The following CDH12 variants were observed in gnomAD, a reference collection of about 807,000 sequenced individuals.
CDH12 encodes cadherin 12, also known as cadherin-12.
CDH12 carries 41 observed loss-of-function variants against 74.1 expected under a neutral mutation model. The ratio of observed to expected loss-of-function variants is 0.55; its 90% CI spans 0.43 to 0.72. The LOEUF (loss-of-function observed/expected upper bound fraction) is 0.72, where lower values mean the gene tolerates loss of function less well. Ranked by LOEUF, CDH12 falls within the 30% of genes least tolerant of loss-of-function variation. The pLI is 0.00. For synonymous variants in CDH12, 399 were observed against 355.0 expected (o/e 1.12, Z -1.39); for missense variants, 945 against 977.2 (o/e 0.97, Z 0.44).
chr5:21,860,196 A>G (rs925802016), intron 6 of CDH12, among the ~76,000 whole-genome samples: 3 of 152,040 alleles, frequency 2.0e-5, no homozygotes, highest in Admixed American at 1.3e-4. Flanking sequence ...GCATGTATAC[A>G]TTTGTACTAA....
At chr5:22,816,751 T>TC (rs1221959519) in intron 1 of CDH12, among the ~76,000 whole-genome samples, 8 of 152,158 alleles carry the variant, frequency 5.3e-5, no homozygotes, top group African/African-American at 1.7e-4. Context: ...ACTCATTTGG[T>TC]CCAATCTAAC....
In CDH12 at chr5:22,606,944, T is replaced by G. The variant is rs895880236; in HGVS notation, c.-522-101580A>C. ...AAGCCCAGGCTGAGGTGGTCTCAGATGGAGATTAGGAATTTCTTGGAAACT... is the reference window on the plus strand; with the variant it reads ...AAGCCCAGGCTGAGGTGGTCTCAGAGGGAGATTAGGAATTTCTTGGAAACT... On this transcript the variant is annotated intron_variant, in intron 1 of 14. Coordinates refer to ENST00000382254, the MANE Select transcript of CDH12 (RefSeq NM_004061.5). 2.0e-5 allele frequency among the ~76,000 whole-genome samples: 3 copies of G among 152,260 alleles called. No homozygotes were observed. In the South Asian group the frequency reaches 6.2e-4, roughly 32 times the overall value.
intron 6 of CDH12, among the ~76,000 whole-genome samples, chr5:21,877,217 A>C (rs1009561480): frequency 1.3e-5 from 2 of 152,018 alleles, no homozygotes; most frequent in Non-Finnish European, 2.9e-5. Flanking sequence ...AAGAAAAAAA[A>C]AAAGAAGAAG....
chr5:22,726,637 T>C (rs542921384), intron 1 of CDH12, among the ~76,000 whole-genome samples: 1 of 151,976 alleles, frequency 6.6e-6, no homozygotes, highest in Non-Finnish European at 1.5e-5. Context: ...TGTTACTGTT[T>C]TATATTTTGG....
At chr5:22,250,048 T>G (rs576600219) in intron 3 of CDH12, among the ~76,000 whole-genome samples, 34 of 152,012 alleles carry the variant, frequency 2.2e-4, no homozygotes, top group Non-Finnish European at 3.5e-4. Context: ...GGTGGGGAAG[T>G]ATTGCAGAAA....
chr5:22,033,054 G>T (rs1243467619), intron 5 of CDH12, among the ~76,000 whole-genome samples: 1 of 148,244 alleles, frequency 6.7e-6, no homozygotes, highest in Non-Finnish European at 1.5e-5. Context: ...AAAAAAAAAT[G>T]GGGCCAGGCT....
intron 1 of CDH12, among the ~76,000 whole-genome samples, chr5:22,651,548 A>T (rs1025185387): frequency 1.3e-5 from 2 of 152,152 alleles, no homozygotes; most frequent in African/African-American, 4.8e-5. Context: ...TCATGAGACC[A>T]GCATGGGGGA....
chr5:22,432,491 A>G (rs535962709), intron 2 of CDH12, among the ~76,000 whole-genome samples: 8 of 152,276 alleles, frequency 5.3e-5, no homozygotes, highest in African/African-American at 1.9e-4. Flanking sequence ...GTGATAGTGG[A>G]AAAACTATGC....
At chr5:22,714,724 A>C (rs749166304) in intron 1 of CDH12, among the ~76,000 whole-genome samples, 3 of 152,188 alleles carry the variant, frequency 2.0e-5, no homozygotes, top group Non-Finnish European at 2.9e-5. Context: ...ATAATAGTAA[A>C]ATTAGACGTT....
intron 8 of CDH12, among the ~76,000 whole-genome samples, chr5:21,817,815 T>C (rs1748146200): frequency 1.1e-5 from 1 of 91,478 alleles, no homozygotes; most frequent in African/African-American, 2.7e-5. Context: ...TTTAATAGCA[T>C]TAAGAAAGAA....
At chr5:22,226,743 T>C (rs1580424156) in intron 3 of CDH12, among the ~76,000 whole-genome samples, 1 of 152,170 alleles carries the variant, frequency 6.6e-6, no homozygotes, top group South Asian at 2.1e-4. Context: ...TTCTCCAGCA[T>C]GCAGAACACA....
At chr5:22,426,929 C>T (rs115171420) in intron 2 of CDH12, among the ~76,000 whole-genome samples, 2 of 152,184 alleles carry the variant, frequency 1.3e-5, no homozygotes, top group Non-Finnish European at 1.5e-5. Context: ...TTCTTCCCAC[C>T]ATGACCTCAA....
At position 22,640,299 on chromosome 5, in the gene CDH12, C is replaced by T. The variant is rs563504860; in HGVS notation, c.-522-134935G>A. Among the ~76,000 whole-genome samples the T allele has an allele frequency of 1.3e-3, 205 of 152,208 alleles. 2 individuals carry two copies. The highest frequency in any genetic ancestry group is 4.6e-3 in the African/African-American group (193 of 41,526). ...CAATGTGATAGTATATACAAAATAC[C>T]TTTGAAAATAGCAAGTGATTTCAGA... On this transcript the variant is annotated intron_variant, in intron 1 of 14. Transcript: ENST00000382254.
chr5:22,795,967 G>T (rs907935777), intron 1 of CDH12, among the ~76,000 whole-genome samples: 9 of 152,040 alleles, frequency 5.9e-5, no homozygotes, highest in African/African-American at 2.2e-4. Context: ...TCTGTGCTTA[G>T]CTAGCTTCAT....
At chr5:22,814,261 T>C (rs866740444) in intron 1 of CDH12, among the ~76,000 whole-genome samples, 1 of 152,176 alleles carries the variant, frequency 6.6e-6, no homozygotes, top group Non-Finnish European at 1.5e-5. Flanking sequence ...CAACTTGAAA[T>C]GACAAAAATA....
At chr5:22,391,009 A>G (rs1742225549) in intron 3 of CDH12, among the ~76,000 whole-genome samples, 1 of 152,122 alleles carries the variant, frequency 6.6e-6, no homozygotes, top group Admixed American at 6.5e-5. Flanking sequence ...GATAGAGTGA[A>G]CTATAGGGTT....
At chr5:21,804,328 T>TC (rs1460288325) in intron 9 of CDH12, among the ~76,000 whole-genome samples, 1 of 152,124 alleles carries the variant, frequency 6.6e-6, no homozygotes, top group Non-Finnish European at 1.5e-5. Context: ...CCAGTGATGT[T>TC]CCTTTGATCA....
At chr5:22,038,106 C>A (rs1200861687) in intron 5 of CDH12, among the ~76,000 whole-genome samples, 1 of 152,134 alleles carries the variant, frequency 6.6e-6, no homozygotes, top group African/African-American at 2.4e-5. Flanking sequence ...TGTGCCCTAC[C>A]CCCTGAGGCA....
At chr5:22,381,441 G>A (rs989249077) in intron 3 of CDH12, among the ~76,000 whole-genome samples, 1 of 151,934 alleles carries the variant, frequency 6.6e-6, no homozygotes, top group Non-Finnish European at 1.5e-5. Context: ...CAATCTTCGG[G>A]TTGGTCATTT....
Sources: gnomAD v4.1 joint callset for allele counts (sites outside exome capture counted in the v4.1 genomes callset) on GRCh38, gnomAD v4.1.1 for gene constraint, MANE v1.5 for transcripts, NCBI Gene and HGNC (gene_info 2026-07-23, HGNC 2026-07-21) for gene names.